The following TRAPPC12 variants were observed in gnomAD, a reference collection of about 807,000 sequenced individuals.
TRAPPC12 encodes trafficking protein particle complex subunit 12.
In TRAPPC12, 61 loss-of-function variants were observed where a neutral mutation model predicts 69.2. The ratio of observed to expected loss-of-function variants is 0.88; its 90% CI spans 0.72 to 1.09. TRAPPC12 has a LOEUF of 1.09. TRAPPC12 is among the 50% of genes least tolerant of loss of function. The pLI, the probability that TRAPPC12 is intolerant of heterozygous loss-of-function variation, is 0.00. For synonymous variants in TRAPPC12, 469 were observed against 438.9 expected (o/e 1.07, Z -0.86); for missense variants, 1,101 against 1,016.4 (o/e 1.08, Z -1.13).
chr2:3,453,071 C>T (rs1664935329), intron 6 of TRAPPC12, among the ~76,000 whole-genome samples: 1 of 152,224 alleles, frequency 6.6e-6, no homozygotes, highest in Non-Finnish European at 1.5e-5. Context: ...CCGGACATCC[C>T]TGTTCTTGTC....
At chr2:3,434,398 A>C (rs1050446737) in intron 5 of TRAPPC12, among the ~76,000 whole-genome samples, 1 of 152,196 alleles carries the variant, frequency 6.6e-6, no homozygotes, top group Non-Finnish European at 1.5e-5. Context: ...TCTCTTTCAT[A>C]TGAAGTTGCA....
intron 6 of TRAPPC12, among the ~76,000 whole-genome samples, chr2:3,447,425 A>G (rs752400905): frequency 6.6e-6 from 1 of 152,222 alleles, no homozygotes; most frequent in Non-Finnish European, 1.5e-5. Flanking sequence ...AGTAGAAAGC[A>G]AAGGGGAAGC....
intron 5 of TRAPPC12, among the ~76,000 whole-genome samples, chr2:3,434,246 T>C (rs1663625598): frequency 6.6e-6 from 1 of 152,224 alleles, no homozygotes; most frequent in Non-Finnish European, 1.5e-5. Flanking sequence ...TGAGTAAATG[T>C]CAGCTCAGTG....
intron 1 of TRAPPC12, among the ~76,000 whole-genome samples, chr2:3,387,286 A>G (rs1361565092): frequency 6.6e-6 from 1 of 152,214 alleles, no homozygotes; most frequent in Non-Finnish European, 1.5e-5. Flanking sequence ...ACAGGAAGAC[A>G]GTTATCGGGT....
At chr2:3,450,060 G>A (rs1664771064) in intron 6 of TRAPPC12, among the ~76,000 whole-genome samples, 1 of 152,126 alleles carries the variant, frequency 6.6e-6, no homozygotes, top group Non-Finnish European at 1.5e-5. Flanking sequence ...GACCTGGCTG[G>A]CAGTGGAAAT....
rs541489012 is a variant in TRAPPC12, at chr2:3,405,094, G to A, written c.1164+3201G>A. ...GGGGTGACTGGGCATGGCCTGCGGA[G>A]GTGACTTGGTAGGGCCAGTGTCAGG... On this transcript the variant is annotated intron_variant, in intron 3 of 11. Coordinates refer to ENST00000324266, the MANE Select transcript of TRAPPC12 (RefSeq NM_016030.6). 2.0e-5 allele frequency among the ~76,000 whole-genome samples: 3 copies of A among 151,458 alleles called. No individual in the cohort carries two copies. The South Asian group carries it at 6.3e-4, about 32-fold the overall frequency.
chr2:3,387,513 T>C (rs1660546372), intron 1 of TRAPPC12, 107 bp from the exon 2 acceptor site: 1 of 925,326 alleles, frequency 1.1e-6, no homozygotes, highest in Non-Finnish European at 1.6e-6. Flanking sequence ...GATAAGAAGC[T>C]GGAGAAATGG....
intron 6 of TRAPPC12, among the ~76,000 whole-genome samples, chr2:3,451,585 A>G (rs917853582): frequency 3.9e-5 from 6 of 151,930 alleles, no homozygotes; most frequent in African/African-American, 1.5e-4. Flanking sequence ...GTACAGTGGC[A>G]TGAACGTGGC....
intron 5 of TRAPPC12, among the ~76,000 whole-genome samples, chr2:3,427,128 A>T (rs921117351): frequency 6.6e-6 from 1 of 152,260 alleles, no homozygotes; most frequent in Non-Finnish European, 1.5e-5. Context: ...TAGCTATCAT[A>T]GTCAAGAAAC....
intron 3 of TRAPPC12, among the ~76,000 whole-genome samples, chr2:3,419,408 G>A (rs1054056920): frequency 1.3e-5 from 2 of 152,214 alleles, no homozygotes; most frequent in Non-Finnish European, 1.5e-5. Context: ...AAGGCATTTG[G>A]AGATCGTTTT....
intron 6 of TRAPPC12, chr2:3,449,056 T>C (rs1664710782): frequency 6.6e-6 from 1 of 152,230 alleles, no homozygotes; most frequent in African/African-American, 2.4e-5. Context: ...ACTGAGTGAA[T>C]TAGTAAATGT....
At chr2:3,463,002 G>T (rs140996158) in intron 8 of TRAPPC12, 3 of 468,096 alleles carry the variant, frequency 6.4e-6, no homozygotes, top group Non-Finnish European at 1.3e-5. Context: ...CTAGTTTCAC[G>T]GCCTGTAAAC....
intron 6 of TRAPPC12, among the ~76,000 whole-genome samples, chr2:3,446,805 C>T (rs936898608): frequency 2.6e-5 from 4 of 152,334 alleles, no homozygotes; most frequent in East Asian, 1.9e-4. Flanking sequence ...CTCAACAGAA[C>T]GCAGCCTCGC....
chr2:3,387,011 C>T (rs1220641871), intron 1 of TRAPPC12, among the ~76,000 whole-genome samples: 1 of 152,120 alleles, frequency 6.6e-6, no homozygotes, highest in African/African-American at 2.4e-5. Context: ...CCATATAATC[C>T]AGCAGTTCCT....
Position 3,388,121 on chromosome 2 carries a change from C to T in TRAPPC12, c.498C>T (p.Arg166=), listed in dbSNP as rs555065206. The stretch of plus-strand genomic sequence containing the variant: ...CGGTGTGCACCATCTTCAGCCAGCG[C>T]GCGCCCCCAGCCTCCGGGGACGGCT... ...PVPVCTIFSQ[R]APPASGDGFE... The change falls in exon 2 of 12, where the codon CGC becomes CGT. Residue 166 remains arginine, a synonymous_variant. Transcript: ENST00000324266. 3 of 1,581,346 alleles carry T rather than the reference C, an allele frequency of 1.9e-6. No homozygotes were observed. Among genetic ancestry groups the T allele is most frequent in the Admixed American group, 1.8e-5 (1 of 56,346 alleles).
chr2:3,387,212 ACT>A (rs1183112414), intron 1 of TRAPPC12, among the ~76,000 whole-genome samples: 2 of 152,160 alleles, frequency 1.3e-5, no homozygotes, highest in Non-Finnish European at 2.9e-5. Context: ...AAGGAAGGAA[ACT>A]CTGACCAAGC....
chr2:3,435,326 A>G (rs1663699355), intron 5 of TRAPPC12, among the ~76,000 whole-genome samples: 1 of 152,182 alleles, frequency 6.6e-6, no homozygotes, highest in African/African-American at 2.4e-5. Context: ...GTTACTGTTA[A>G]CTGTTACTGG....
intron 7 of TRAPPC12, 21 bp downstream of exon 7, chr2:3,457,714 T>C (rs113022487): frequency 1.2e-6 from 2 of 1,607,670 alleles, no homozygotes; most frequent in Non-Finnish European, 1.7e-6. Flanking sequence ...CGGACTTTGC[T>C]GACTAGATGC....
rs1304259399 is a variant in TRAPPC12, at chr2:3,379,699, G to A, written c.-182G>A. 1.3e-5 allele frequency: 2 copies of A among 152,320 alleles called. No individual in the cohort carries two copies. The highest frequency in any genetic ancestry group is 1.9e-4 in the East Asian group (1 of 5,186). The allele number at this position is 152,320 out of a possible 1,614,324, so 9.4% of individuals were successfully genotyped here. On this transcript the variant is annotated 5_prime_UTR_variant, in exon 1 of 12. Transcript: ENST00000324266. Reference sequence around the variant, plus strand: ...ATTTCCGGCCTGGGGGCAGGGCCTCGGGTTCCTGCATCGGGCCTGAGCAGA... The same window carrying A: ...ATTTCCGGCCTGGGGGCAGGGCCTCAGGTTCCTGCATCGGGCCTGAGCAGA...
Sources: allele counts gnomAD v4.1 joint callset (sites outside exome capture counted in the v4.1 genomes callset), GRCh38; gene constraint gnomAD v4.1.1; transcripts MANE v1.5; gene names NCBI Gene and HGNC (gene_info 2026-07-23, HGNC 2026-07-21).